The following TCHP variants were observed in gnomAD, a reference collection of about 807,000 sequenced individuals.
The protein encoded by TCHP is trichoplein keratin filament binding.
A neutral mutation model predicts 88.7 loss-of-function variants in TCHP; 81 were observed. That is an observed-to-expected ratio of 0.91 (90% CI 0.76 to 1.10). The LOEUF (loss-of-function observed/expected upper bound fraction) is 1.10, where lower values mean the gene tolerates loss of function less well. Among genes scored for constraint, TCHP ranks in the 50% least tolerant of loss-of-function variants. The probability of loss-of-function intolerance (pLI) is 0.00; values close to 1 mark genes in which losing one functional copy is unlikely to be tolerated. For missense variants in TCHP, 641 were observed against 632.1 expected (o/e 1.01, Z -0.15); for synonymous variants, 232 against 232.5 (o/e 1.00, Z 0.02).
At position 109,908,920 on chromosome 12, in the gene TCHP, C is replaced by A. The variant is rs756538535; in HGVS notation, c.862C>A (p.Gln288Lys). ...CGCTCAACTCAGCAGACGCACACAGCAGATCCAAGAGGAGCTGGTAAGTCT... is the reference window on the plus strand; with the variant it reads ...CGCTCAACTCAGCAGACGCACACAGAAGATCCAAGAGGAGCTGGTAAGTCT... Reference protein sequence around the residue: ...YNAQLSRRTQQIQEELEADRR... With the variant: ...YNAQLSRRTQKIQEELEADRR... Residue 288 changes from glutamine (Q) to lysine (K), a missense_variant, in exon 8 of 13, where the codon CAG becomes AAG. By Grantham distance (53) the Gln-to-Lys change is moderately conservative. Coordinates refer to ENST00000405876, the MANE Select transcript of TCHP (RefSeq NM_001143852.2). The A allele has an allele frequency of 6.2e-7, 1 of 1,614,206 alleles. No homozygotes were observed. Among genetic ancestry groups the A allele is most frequent in the Non-Finnish European group, 8.5e-7 (1 of 1,180,036 alleles).
chr12:109,899,677 G>A (rs750631751), upstream of TCHP, among the ~76,000 whole-genome samples: 1 of 152,130 alleles, frequency 6.6e-6, no homozygotes, highest in East Asian at 1.9e-4. Flanking sequence ...ATCTACTTAT[G>A]CCAGCAGGCC....
At chr12:109,889,247 G>T in the TCHP span, among the ~76,000 whole-genome samples, 2 of 152,082 alleles carry the variant, frequency 1.3e-5, no homozygotes, top group Non-Finnish European at 2.9e-5. Context: ...GCCGAGGCAG[G>T]CAGATCACGA....
the TCHP span, among the ~76,000 whole-genome samples, chr12:109,885,921 G>A: frequency 6.6e-6 from 1 of 151,938 alleles, no homozygotes; most frequent in African/African-American, 2.4e-5. Flanking sequence ...GGGACTACAG[G>A]TGTGTGCCTA....
At position 109,917,718 on chromosome 12, in the gene TCHP, A is replaced by AT. The variant is rs1372694848; in HGVS notation, c.*1099dup. On this transcript the variant is annotated 3_prime_UTR_variant, in exon 13 of 13. Coordinates refer to ENST00000405876, the MANE Select transcript of TCHP (RefSeq NM_001143852.2). ...ACAAGTTCCTTGCAGCAATAATATT[A>AT]TTTTATGACTTGTATTTTTACTATA... 1 of 152,568 alleles carries AT rather than the reference A, an allele frequency of 6.6e-6. No homozygotes were observed. The highest frequency in any genetic ancestry group is 1.5e-5 in the Non-Finnish European group (1 of 68,028). The allele number at this position is 152,568 out of a possible 1,614,324, so 9.5% of individuals were successfully genotyped here. A position where few individuals can be genotyped will look rare whatever the true frequency, so the allele number is the denominator to read the frequency against.
At position 109,915,435 on chromosome 12, in the gene TCHP, A is replaced by C. The variant is rs761987511; in HGVS notation, c.1353A>C (p.Ala451=). 15 of 1,614,048 alleles carry C rather than the reference A, an allele frequency of 9.3e-6. No homozygotes were observed. The highest frequency in any genetic ancestry group is 1.6e-4 in the Middle Eastern group (1 of 6,076). Residue 451 remains alanine (A), a synonymous_variant, in exon 12 of 13, where the codon GCA becomes GCC. Coordinates refer to ENST00000405876, the MANE Select transcript of TCHP (RefSeq NM_001143852.2). The part of the protein sequence containing the change: ...VAERRLQAWE[A]DQQEEEEEEE... The stretch of plus-strand genomic sequence containing the variant: ...AGCGCCGGCTGCAGGCATGGGAAGC[A>C]GACCAGCAGGAGGAGGAGGAAGAGG...
rs911333646 is a variant in TCHP at position 109,917,176 on chromosome 12, C to G, written c.*553C>G. On this transcript the variant is annotated 3_prime_UTR_variant, in exon 13 of 13. Coordinates refer to ENST00000405876, the MANE Select transcript of TCHP (RefSeq NM_001143852.2). ...AAAGAACTGTGAACAAATTAGAACC[C>G]CGGAACACTCTGACGTCCATGGACG... 6.6e-6 allele frequency: 1 copy of G among 152,162 alleles called. No individual in the cohort carries two copies. Among genetic ancestry groups the G allele is most frequent in the African/African-American group, 2.4e-5 (1 of 41,394 alleles). The allele number at this position is 152,162 out of a possible 1,614,324, so 9.4% of individuals were successfully genotyped here. A position where few individuals can be genotyped will look rare whatever the true frequency, so the allele number is the denominator to read the frequency against.
Position 109,908,921 on chromosome 12 carries a change from A to G in TCHP, c.863A>G (p.Gln288Arg), listed in dbSNP as rs150998390. ...GCTCAACTCAGCAGACGCACACAGCAGATCCAAGAGGAGCTGGTAAGTCTG... is the reference window on the plus strand; with the variant it reads ...GCTCAACTCAGCAGACGCACACAGCGGATCCAAGAGGAGCTGGTAAGTCTG... ...YNAQLSRRTQ[Q>R]IQEELEADRR... The change falls in exon 8 of 13, where the codon CAG becomes CGG. Residue 288 changes from glutamine (Q) to arginine (R), a missense_variant. Physicochemically the swap from Gln to Arg is conservative, Grantham distance 43 (BLOSUM62 1). Transcript: ENST00000405876. 2.0e-5 allele frequency: 32 copies of G among 1,614,250 alleles called. No individual in the cohort carries two copies. Among genetic ancestry groups the G allele is most frequent in the Non-Finnish European group, 2.7e-5 (32 of 1,180,056 alleles).
the TCHP span, among the ~76,000 whole-genome samples, chr12:109,882,136 C>T: frequency 4.2e-3 from 640 of 152,186 alleles, 9 homozygotes; most frequent in East Asian, 0.018. Context: ...TGGCTGAGAT[C>T]GGATGTAGGG....
the TCHP span, among the ~76,000 whole-genome samples, chr12:109,888,955 G>C: frequency 1.3e-5 from 2 of 152,028 alleles, no homozygotes; most frequent in Non-Finnish European, 1.5e-5. Context: ...TAGTTACTTG[G>C]GAGGCTGAGG....
the TCHP span, among the ~76,000 whole-genome samples, chr12:109,886,146 C>T: frequency 0.26 from 39,230 of 151,834 alleles, 7,164 homozygotes; most frequent in African/African-American, 0.53. Flanking sequence ...TTTATTTATT[C>T]ATTCATTTTT....
At chr12:109,897,109 C>T (rs1341536198), upstream of TCHP, among the ~76,000 whole-genome samples, 1 of 152,168 alleles carries the variant, frequency 6.6e-6, no homozygotes, top group Non-Finnish European at 1.5e-5. Flanking sequence ...AGCTGCGGCT[C>T]CTCAGGCAAG....
rs771126560 is a variant in TCHP, at chr12:109,911,113, C to A, written c.930C>A (p.Ser310Arg). 6.3e-7 allele frequency: 1 copy of A among 1,596,170 alleles called. No homozygotes were observed. Reference sequence around the variant, plus strand: ...CCCTCCTCGAGAAGGAGGACGAGAGCCAGCGCCTCCACCTGGCCAGGCGGG... The same window carrying A: ...CCCTCCTCGAGAAGGAGGACGAGAGACAGCGCCTCCACCTGGCCAGGCGGG... ...LQALLEKEDE[S>R]QRLHLARREQ... The change falls in exon 9 of 13, where the codon AGC becomes AGA. Residue 310 changes from serine to arginine, a missense_variant. Coordinates refer to ENST00000405876, the MANE Select transcript of TCHP (RefSeq NM_001143852.2).
At chr12:109,909,263 G>T (rs1432487309) in intron 8 of TCHP, among the ~76,000 whole-genome samples, 1 of 152,172 alleles carries the variant, frequency 6.6e-6, no homozygotes, top group Non-Finnish European at 1.5e-5. Flanking sequence ...GTGTCTGTGT[G>T]TATACATAGA....
intron 8 of TCHP, 100 bp downstream of exon 8, chr12:109,909,037 A>G (rs974497129): frequency 6.1e-6 from 7 of 1,155,964 alleles, no homozygotes; most frequent in Non-Finnish European, 8.9e-6. Context: ...GAATGAAGAC[A>G]GTGAGGGGTT....
rs1012705032 is a variant in TCHP at position 109,908,519 on chromosome 12, G to A, written c.700-67G>A. The A allele has an allele frequency of 4.4e-6, 6 of 1,368,654 alleles. No homozygotes were observed. The African/African-American group carries it at 5.7e-5, about 13-fold the overall frequency. 84.8% of individuals were successfully genotyped at this position (1,368,654 alleles called of 1,614,324 possible). A position where few individuals can be genotyped will look rare whatever the true frequency, so the allele number is the denominator to read the frequency against. On this transcript the variant is annotated intron_variant, in intron 6 of 12. Transcript: ENST00000405876. ...AGTGTCTGCGAAAAATGGAGATGGA[G>A]AATGAAGGAAGATCTGATTCCCACG... is the stretch of plus-strand genomic sequence containing the variant.
chr12:109,915,901 C>T (rs978994977), intron 12 of TCHP, among the ~76,000 whole-genome samples: 5 of 152,170 alleles, frequency 3.3e-5, no homozygotes, highest in African/African-American at 7.2e-5. Context: ...CAGTGAAGCC[C>T]GATGAACAAG....
In TCHP at chr12:109,908,903, T is replaced by G. The variant is rs1002254033; in HGVS notation, c.845T>G (p.Leu282Arg). 9.9e-5 allele frequency: 160 copies of G among 1,614,106 alleles called. 1 individual carries two copies. Among genetic ancestry groups the G allele is most frequent in the Non-Finnish European group, 1.3e-4 (152 of 1,180,052 alleles). Reference sequence around the variant, plus strand: ...TTGAGACATCAGTATAACGCTCAACTCAGCAGACGCACACAGCAGATCCAA... The same window carrying G: ...TTGAGACATCAGTATAACGCTCAACGCAGCAGACGCACACAGCAGATCCAA... The part of the protein sequence containing the change: ...RFLRHQYNAQ[L>R]SRRTQQIQEE... Residue 282 changes from leucine (L) to arginine (R), a missense_variant, in exon 8 of 13, where the codon CTC (leucine) becomes CGC (arginine). By Grantham distance (102) the Leu-to-Arg change is moderately radical (BLOSUM62 -2). Transcript: ENST00000405876.
At chr12:109,913,221 T>A in intron 10 of TCHP, 149 bp downstream of exon 10, 1 of 710,374 alleles carries the variant, frequency 1.4e-6, no homozygotes, top group Non-Finnish European at 2.4e-6. Flanking sequence ...AAAAGTAATA[T>A]GAGCTTAGTA....
Position 109,908,666 on chromosome 12 carries a change from G to T in TCHP, c.780G>T (p.Gln260His), listed in dbSNP as rs1480289487. 6.3e-7 allele frequency: 1 copy of T among 1,599,606 alleles called. No individual in the cohort carries two copies. The highest frequency in any genetic ancestry group is 1.3e-5 in the African/African-American group (1 of 74,890). Residue 260 changes from glutamine to histidine, a missense_variant, in exon 7 of 13, where the codon CAG (glutamine) becomes CAT (histidine). Coordinates refer to ENST00000405876, the MANE Select transcript of TCHP (RefSeq NM_001143852.2). The stretch of plus-strand genomic sequence containing the variant: ...AGAGGCTGGAGGAAGAGCGAAAGCA[G>T]ATGGAAGCCTTCCGGCAGAAGGCAG... ...ELERLEEERKQMEAFRQKAEL... is the reference protein window; with the variant it reads ...ELERLEEERKHMEAFRQKAEL...
Sources: allele counts gnomAD v4.1 joint callset (sites outside exome capture counted in the v4.1 genomes callset), GRCh38; gene constraint gnomAD v4.1.1; transcripts MANE v1.5; gene names NCBI Gene and HGNC (gene_info 2026-07-23, HGNC 2026-07-21).